Variants in RTN4R observed in about 807,000 individuals in gnomAD.
RTN4R encodes the protein reticulon 4 receptor.
Under a neutral mutation model 27.7 loss-of-function variants are expected in RTN4R, and 4 were observed. The ratio of observed to expected loss-of-function variants is 0.14; its 90% confidence interval spans 0.07 to 0.33. The LOEUF is 0.33. Ranked by LOEUF, RTN4R falls within the 10% of genes least tolerant of loss-of-function variation. The probability of loss-of-function intolerance (pLI) is 1.00; values close to 1 mark genes in which losing one functional copy is unlikely to be tolerated. For missense variants in RTN4R, 554 were observed against 671.5 expected (o/e 0.83, Z 1.93); for synonymous variants, 290 against 305.6 (o/e 0.95, Z 0.53).
At chr22:20,260,399 T>A (rs1221277931) in intron 1 of RTN4R, among the ~76,000 whole-genome samples, 2 of 151,454 alleles carry the variant, frequency 1.3e-5, no homozygotes, top group African/African-American at 2.4e-5. Context: ...AAGTGGAGAG[T>A]GTGTGGGAGG....
At chr22:20,267,287 A>C (rs968820807) in intron 1 of RTN4R, among the ~76,000 whole-genome samples, 10 of 152,348 alleles carry the variant, frequency 6.6e-5, no homozygotes, top group African/African-American at 2.4e-4. Flanking sequence ...GGACATCAGC[A>C]GGGCAGCCTG....
chr22:20,242,724 G>A lies in RTN4R; in HGVS notation c.409C>T (p.Leu137=), dbSNP rs1355706982. 5.6e-6 allele frequency: 9 copies of A among 1,612,428 alleles called. No individual in the cohort carries two copies. The highest frequency in any genetic ancestry group is 6.8e-6 in the Non-Finnish European group (8 of 1,179,668). The change falls in exon 2 of 2, where the codon CTG becomes TTG. Residue 137 remains leucine (L), a synonymous_variant. Transcript: ENST00000043402. The part of the protein sequence containing the change: ...HGLGRLHTLH[L]DRCGLQELGP... ...AGCTCCTGCAGGCCGCAGCGGTCCA[G>A]GTGCAGCGTGTGTAGGCGGCCCAGG...
At chr22:20,244,644 GCT>G (rs1272383974) in intron 1 of RTN4R, among the ~76,000 whole-genome samples, 4 of 152,268 alleles carry the variant, frequency 2.6e-5, no homozygotes, top group Non-Finnish European at 5.9e-5. Flanking sequence ...CACCCTCTCT[GCT>G]CTCTTTCTAC....
intron 1 of RTN4R, among the ~76,000 whole-genome samples, chr22:20,256,374 C>G (rs910247239): frequency 1.3e-5 from 2 of 152,224 alleles, no homozygotes; most frequent in Non-Finnish European, 2.9e-5. Context: ...GCAGCCTGAC[C>G]TTTCATCCCA....
chr22:20,241,535 G>A lies in RTN4R; in HGVS notation c.*176C>T, dbSNP rs997883771. 30 of 665,266 alleles carry A rather than the reference G, an allele frequency of 4.5e-5. No homozygotes were observed. The highest frequency in any genetic ancestry group is 6.9e-5 in the Non-Finnish European group (27 of 389,718). The allele number at this position is 665,266 out of a possible 1,614,324, so 41.2% of individuals were successfully genotyped here. A position where few individuals can be genotyped will look rare whatever the true frequency, so the allele number is the denominator to read the frequency against. On this transcript the variant is annotated 3_prime_UTR_variant, in exon 2 of 2. Transcript: ENST00000043402. ...GCGTTCTGGAACAAACGCTGCCGCC[G>A]AACCCTGTAAACATGATGGGGTGGA...
intron 1 of RTN4R, among the ~76,000 whole-genome samples, chr22:20,249,940 A>C (rs2051166023): frequency 6.6e-6 from 1 of 152,128 alleles, no homozygotes; most frequent in Non-Finnish European, 1.5e-5. Flanking sequence ...CTCCCATTGG[A>C]GCCATCCCAG....
chr22:20,243,905 A>G (rs1319449773), intron 1 of RTN4R, among the ~76,000 whole-genome samples: 1 of 151,656 alleles, frequency 6.6e-6, no homozygotes, highest in East Asian at 2.0e-4. Context: ...CCCCTCCTCC[A>G]TTACAGGGCC....
rs1040160198 is a variant in RTN4R, at chr22:20,243,104, C to T, written c.29G>A (p.Arg10Gln). ...CAGCCACAGCACCCATGCCAGCAGCCGGCTCCCTGTGGGCAGAAGACAGAG... is the reference window on the plus strand; with the variant it reads ...CAGCCACAGCACCCATGCCAGCAGCTGGCTCCCTGTGGGCAGAAGACAGAG... MKRASAGGS[R>Q]LLAWVLWLQA... The change falls in exon 2 of 2, where the codon CGG (arginine) becomes CAG (glutamine). Residue 10 changes from arginine (R) to glutamine (Q), a missense_variant. Coordinates refer to ENST00000043402, the MANE Select transcript of RTN4R (RefSeq NM_023004.6). 2.5e-5 allele frequency: 40 copies of T among 1,599,310 alleles called. No homozygotes were observed. Among genetic ancestry groups the T allele is most frequent in the Non-Finnish European group, 3.1e-5 (37 of 1,179,780 alleles).
At chr22:20,251,018 C>T (rs1218957838) in intron 1 of RTN4R, among the ~76,000 whole-genome samples, 2 of 152,190 alleles carry the variant, frequency 1.3e-5, no homozygotes, top group Non-Finnish European at 2.9e-5. Flanking sequence ...AGAGGGCAGC[C>T]GTTTAACTGA....
intron 1 of RTN4R, among the ~76,000 whole-genome samples, chr22:20,262,106 G>A (rs2051251207): frequency 6.6e-6 from 1 of 152,194 alleles, no homozygotes; most frequent in African/African-American, 2.4e-5. Flanking sequence ...GGAGTAAAGG[G>A]GATGGACCGG....
At chr22:20,260,227 GC>G (rs1276918453) in intron 1 of RTN4R, among the ~76,000 whole-genome samples, 2 of 152,142 alleles carry the variant, frequency 1.3e-5, no homozygotes, top group Non-Finnish European at 2.9e-5. Flanking sequence ...GCCCCAAGAA[GC>G]CAATCCCTGC....
intron 1 of RTN4R, among the ~76,000 whole-genome samples, chr22:20,265,840 A>G (rs568937145): frequency 6.1e-4 from 93 of 152,304 alleles, no homozygotes; most frequent in African/African-American, 2.0e-3. Flanking sequence ...TCCACAGGGA[A>G]AGCCGGGCCA....
At chr22:20,244,054 A>C (rs2051126019) in intron 1 of RTN4R, among the ~76,000 whole-genome samples, 1 of 151,818 alleles carries the variant, frequency 6.6e-6, no homozygotes, top group South Asian at 2.1e-4. Context: ...TTGAGCCCCC[A>C]CCCCTTTGGA....
At chr22:20,268,050 G>C (rs2051289870) in intron 1 of RTN4R, 21 bp downstream of exon 1, 1 of 1,170,458 alleles carries the variant, frequency 8.5e-7, no homozygotes, top group Non-Finnish European at 1.1e-6. Context: ...GGCCGGGCTC[G>C]GGTGCAGCGC....
intron 1 of RTN4R, among the ~76,000 whole-genome samples, chr22:20,265,162 CA>C (rs1242857869): frequency 1.3e-5 from 2 of 152,204 alleles, no homozygotes; most frequent in Non-Finnish European, 2.9e-5. Context: ...GTCCGTGCCA[CA>C]AAGCATGAAT....
At chr22:20,258,588 C>A (rs1421771738) in intron 1 of RTN4R, among the ~76,000 whole-genome samples, 1 of 152,178 alleles carries the variant, frequency 6.6e-6, no homozygotes, top group Admixed American at 6.5e-5. Flanking sequence ...CACGGTGGAC[C>A]CCCAGGCAGA....
Position 20,248,260 on chromosome 22 carries a change from G to A in RTN4R, c.23-5150C>T, listed in dbSNP as rs1248393112. On this transcript the variant is annotated intron_variant, in intron 1 of 1. Coordinates refer to ENST00000043402, the MANE Select transcript of RTN4R (RefSeq NM_023004.6). Reference sequence around the variant, plus strand: ...TATCAGAAAAATAATAACAAGTAAAGCAGGAGAAGCCACAGCCCCAGGGCT... The same window carrying A: ...TATCAGAAAAATAATAACAAGTAAAACAGGAGAAGCCACAGCCCCAGGGCT... Among the ~76,000 whole-genome samples, 52 of 152,312 alleles carry A rather than the reference G, an allele frequency of 3.4e-4. 1 individual carries two copies. Among genetic ancestry groups the A allele is most frequent in the Admixed American group, 3.3e-3 (51 of 15,306 alleles).
At chr22:20,265,251 C>T (rs918334584) in intron 1 of RTN4R, among the ~76,000 whole-genome samples, 21 of 152,312 alleles carry the variant, frequency 1.4e-4, no homozygotes, top group African/African-American at 4.6e-4. Context: ...GGGGAGAGCA[C>T]GGTCCCACAC....
chr22:20,267,900 G>A (rs2051288752), intron 1 of RTN4R, among the ~76,000 whole-genome samples, 171 bp downstream of exon 1: 1 of 152,122 alleles, frequency 6.6e-6, no homozygotes, highest in Non-Finnish European at 1.5e-5. Context: ...CCGGGGCCGG[G>A]GCGCCAGCGG....
Sources: allele counts gnomAD v4.1 joint callset (sites outside exome capture counted in the v4.1 genomes callset), GRCh38; gene constraint gnomAD v4.1.1; transcripts MANE v1.5; gene names NCBI Gene and HGNC (gene_info 2026-07-23, HGNC 2026-07-21).